The following IL31RA variants were observed in gnomAD, a reference collection of about 807,000 sequenced individuals.
IL31RA encodes the protein interleukin-31 receptor subunit alpha.
A neutral mutation model predicts 83.7 loss-of-function variants in IL31RA; 66 were observed. The ratio of observed to expected loss-of-function variants is 0.79; its 90% CI spans 0.65 to 0.97. The LOEUF (loss-of-function observed/expected upper bound fraction) is 0.97, where lower values mean the gene tolerates loss of function less well. Ranked by LOEUF, IL31RA falls within the 50% of genes least tolerant of loss-of-function variation. The pLI is 0.00. For missense variants in IL31RA, 798 were observed against 919.4 expected, an observed-to-expected ratio of 0.87 and a Z score of 1.71; for synonymous variants, 325 against 329.0, an observed-to-expected ratio of 0.99 and a Z score of 0.13.
intron 5 of IL31RA, among the ~76,000 whole-genome samples, chr5:55,887,023 T>C (rs114929325): frequency 1.1e-3 from 172 of 152,378 alleles, no homozygotes; most frequent in African/African-American, 3.8e-3. Flanking sequence ...GTTTTCCCTT[T>C]GCCTGGTGCA....
intron 5 of IL31RA, among the ~76,000 whole-genome samples, chr5:55,884,801 A>G (rs757919447): frequency 6.6e-6 from 1 of 152,122 alleles, no homozygotes; most frequent in Non-Finnish European, 1.5e-5. Context: ...AGTAAAACAT[A>G]CCTCTACTAT....
chr5:55,913,988 C>T (rs951824712), intron 13 of IL31RA, among the ~76,000 whole-genome samples: 1 of 152,244 alleles, frequency 6.6e-6, no homozygotes, highest in Non-Finnish European at 1.5e-5. Flanking sequence ...TGTTGGAGTG[C>T]TGGCCAGTCG....
chr5:55,902,778 G>C (rs1475814203), intron 8 of IL31RA, among the ~76,000 whole-genome samples: 1 of 152,148 alleles, frequency 6.6e-6, no homozygotes, highest in Non-Finnish European at 1.5e-5. Context: ...ATCATACATT[G>C]TCTACTAGTA....
Position 55,903,162 on chromosome 5 carries a change from G to A in IL31RA, c.1070-2944G>A, listed in dbSNP as rs918532924. 2.6e-5 allele frequency among the ~76,000 whole-genome samples: 4 copies of A among 152,204 alleles called. No individual in the cohort carries two copies. The highest frequency in any genetic ancestry group is 9.7e-5 in the African/African-American group (4 of 41,436). On this transcript the variant is annotated intron_variant, in intron 8 of 14. Coordinates refer to ENST00000652347, the MANE Select transcript of IL31RA (RefSeq NM_139017.7). This position sits in a 1 kb window ranked among gnomAD's most constrained non-coding sequence, Gnocchi z 4.7. ...GTGAGACCCGAGACAGCAGGCAGCGGTGGCGTGGTCCCAGGCAGGGCATCG... is the reference window on the plus strand; with the variant it reads ...GTGAGACCCGAGACAGCAGGCAGCGATGGCGTGGTCCCAGGCAGGGCATCG...
the IL31RA span, chr5:55,839,935 A>C: frequency 4.4e-6 from 3 of 674,304 alleles, no homozygotes; most frequent in Non-Finnish European, 5.5e-6. Flanking sequence ...TGCAGTCAGA[A>C]GAAACGCTGC....
At chr5:55,874,710 G>A (rs1374803087) in intron 4 of IL31RA, among the ~76,000 whole-genome samples, 1 of 151,986 alleles carries the variant, frequency 6.6e-6, no homozygotes, top group African/African-American at 2.4e-5. Flanking sequence ...ATTGATTTTT[G>A]TATATCGATT....
In IL31RA at chr5:55,851,592, T is replaced by C. The variant is rs1251122743; in HGVS notation, c.22T>C (p.Phe8Leu). 1 of 1,613,868 alleles carries C rather than the reference T, an allele frequency of 6.2e-7. No homozygotes were observed. Among genetic ancestry groups the C allele is most frequent in the Non-Finnish European group, 8.5e-7 (1 of 1,179,870 alleles). MCIRQLK[F>L]FTTACVCECP... ...GGGAATGTGCATCAGGCAACTCAAG[T>C]TTTTCACCACGGCATGTGTCTGTGA... is the stretch of plus-strand genomic sequence containing the variant. The change falls in exon 1 of 15, where the codon TTT (phenylalanine) becomes CTT (leucine). Residue 8 changes from phenylalanine to leucine, a missense_variant. Physicochemically the swap from Phe to Leu is conservative, Grantham distance 22 (BLOSUM62 0). Transcript: ENST00000652347.
intron 2 of IL31RA, among the ~76,000 whole-genome samples, chr5:55,863,647 C>T (rs1391999162): frequency 6.6e-6 from 1 of 152,232 alleles, no homozygotes; most frequent in Non-Finnish European, 1.5e-5. Flanking sequence ...ACACCAATAT[C>T]AAGAGAGCCT....
chr5:55,863,315 A>G (rs1329916529), intron 2 of IL31RA, among the ~76,000 whole-genome samples: 1 of 152,258 alleles, frequency 6.6e-6, no homozygotes, highest in Non-Finnish European at 1.5e-5. Context: ...CAGGCTATTT[A>G]GGTATTAGTC....
chr5:55,851,483 A>G lies in IL31RA; in HGVS notation c.-88A>G. 1 of 1,613,036 alleles carries G rather than the reference A, an allele frequency of 6.2e-7. No homozygotes were observed. The highest frequency in any genetic ancestry group is 8.5e-7 in the Non-Finnish European group (1 of 1,179,272). On this transcript the variant is annotated 5_prime_UTR_variant, in exon 1 of 15. Coordinates refer to ENST00000652347, the MANE Select transcript of IL31RA (RefSeq NM_139017.7). ...AAAAAATAGTAATAACCAGCATGGC[A>G]CTAAATAGACCATGAAAAGACATGT...
At chr5:55,886,043 G>A (rs975602438) in intron 5 of IL31RA, among the ~76,000 whole-genome samples, 1 of 151,928 alleles carries the variant, frequency 6.6e-6, no homozygotes, top group African/African-American at 2.4e-5. Flanking sequence ...TTACTATACC[G>A]CATATAACAC....
chr5:55,882,954 A>G, intron 4 of IL31RA, 90 bp from the exon 5 acceptor site: 1 of 1,187,324 alleles, frequency 8.4e-7, no homozygotes, highest in Non-Finnish European at 1.3e-6. Flanking sequence ...ACCACAATGC[A>G]CGTATCATTT....
At chr5:55,868,402 G>A (rs1746317007) in intron 2 of IL31RA, among the ~76,000 whole-genome samples, 1 of 152,172 alleles carries the variant, frequency 6.6e-6, no homozygotes, top group Non-Finnish European at 1.5e-5. Flanking sequence ...AGTGTGGCAT[G>A]GTTGTATTCT....
chr5:55,896,562 T>G (rs1300963466), intron 7 of IL31RA, 133 bp downstream of exon 7: 8 of 410,306 alleles, frequency 1.9e-5, no homozygotes, highest in African/African-American at 5.0e-5. Context: ...TCCCCTCCCC[T>G]CCCCTCCCCT....
At chr5:55,854,376 G>T (rs9292101) in intron 1 of IL31RA, among the ~76,000 whole-genome samples, 114,728 of 152,178 alleles carry the variant, frequency 0.75, 43,909 homozygotes, top group African/African-American at 0.83. Context: ...AAATTGCCAA[G>T]ATTTAACTGT....
Position 55,920,297 on chromosome 5 carries a change from G to A in IL31RA, c.*3177G>A, listed in dbSNP as rs956545940. On this transcript the variant is annotated 3_prime_UTR_variant, in exon 15 of 15. Transcript: ENST00000652347. ...CTGATTCTGTCCCCATTTCCAGCAC[G>A]CCCCTAGTTACTCCTGCTGCAGCAG... 1.3e-5 allele frequency among the ~76,000 whole-genome samples: 2 copies of A among 152,238 alleles called. No homozygotes were observed. The highest frequency in any genetic ancestry group is 2.4e-5 in the African/African-American group (1 of 41,462).
Position 55,922,662 on chromosome 5 carries a change from A to T in IL31RA, c.*5542A>T. On this transcript the variant is annotated 3_prime_UTR_variant, in exon 15 of 15. Transcript: ENST00000652347. ...TGAAAACATGGTTATGGTAATAGGA[A>T]CAGCTTTTAAAATGCTTTTGTATTT... 1 of 507,314 alleles carries T rather than the reference A, an allele frequency of 2.0e-6. No individual in the cohort carries two copies. The highest frequency in any genetic ancestry group is 4.2e-4 in the Middle Eastern group (1 of 2,372). 31.4% of individuals were successfully genotyped at this position (507,314 alleles called of 1,614,324 possible). A position where few individuals can be genotyped will look rare whatever the true frequency, so the allele number is the denominator to read the frequency against.
intron 4 of IL31RA, among the ~76,000 whole-genome samples, chr5:55,872,842 G>A (rs1746615750): frequency 1.1e-5 from 1 of 88,334 alleles, no homozygotes; most frequent in South Asian, 3.7e-4. Context: ...CACCACTTCT[G>A]ACTTAAAAAA....
Position 55,899,986 on chromosome 5 carries a change from C to T in IL31RA, c.923C>T (p.Thr308Ile). The change falls in exon 8 of 15, where the codon ACT becomes ATT. Residue 308 changes from threonine (T) to isoleucine (I), a missense_variant. By Grantham distance (89) the Thr-to-Ile change is moderately conservative. Transcript: ENST00000652347. ...YNIWYYPESNTNLTETMNTTN... is the reference protein window; with the variant it reads ...YNIWYYPESNINLTETMNTTN... ...ATATGGTACTATCCAGAAAGCAACA[C>T]TAACCTCACAGAAACAATGAACACT... 2 of 1,614,142 alleles carry T rather than the reference C, an allele frequency of 1.2e-6. No individual in the cohort carries two copies. Among genetic ancestry groups the T allele is most frequent in the Non-Finnish European group, 1.7e-6 (2 of 1,179,970 alleles).
Sources: allele counts gnomAD v4.1 joint callset (sites outside exome capture counted in the v4.1 genomes callset), GRCh38; gene constraint gnomAD v4.1.1; non-coding constraint Gnocchi (gnomAD v3.1); transcripts MANE v1.5; gene names NCBI Gene and HGNC (gene_info 2026-07-23, HGNC 2026-07-21).